The following PCDHGB3 variants were observed in gnomAD, a reference collection of about 807,000 sequenced individuals.
PCDHGB3 encodes protocadherin gamma subfamily B, 3, also known as protocadherin gamma-B3.
In PCDHGB3, 40 loss-of-function variants were observed where a neutral mutation model predicts 59.2. That is an observed-to-expected ratio of 0.68 (90% confidence interval 0.52 to 0.88). The LOEUF (loss-of-function observed/expected upper bound fraction) is 0.88. PCDHGB3 is among the 40% of genes least tolerant of loss of function. PCDHGB3 has a pLI of 0.00. For synonymous variants in PCDHGB3, 581 were observed against 503.6 expected (o/e 1.15, Z -2.06); for missense variants, 1,309 against 1,187.9 (o/e 1.10, Z -1.50).
intron 1 of PCDHGB3, among the ~76,000 whole-genome samples, chr5:141,438,581 TACATAC>T (rs2097977343): frequency 4.0e-5 from 2 of 49,846 alleles, no homozygotes; most frequent in Non-Finnish European, 6.5e-5. Flanking sequence ...TATACATACA[TACATAC>T]ATACATATAT....
chr5:141,475,679 T>A (rs967189869), intron 1 of PCDHGB3, among the ~76,000 whole-genome samples: 2 of 152,236 alleles, frequency 1.3e-5, no homozygotes, highest in African/African-American at 4.8e-5. Flanking sequence ...GAGTCTTGAT[T>A]TGGATTGGAG....
chr5:141,399,131 A>T, intron 1 of PCDHGB3: 1 of 1,613,856 alleles, frequency 6.2e-7, no homozygotes, highest in African/African-American at 1.3e-5. Context: ...AATATTCAAG[A>T]TGAAAATGAC....
intron 1 of PCDHGB3, chr5:141,421,791 TG>T (rs1561796446): frequency 6.2e-7 from 1 of 1,613,792 alleles, no homozygotes; most frequent in Non-Finnish European, 8.5e-7. Flanking sequence ...GCAGAACGGA[TG>T]GGGCCAAGAA....
chr5:141,389,397 A>G (rs1196356712), intron 1 of PCDHGB3: 2 of 1,613,688 alleles, frequency 1.2e-6, no homozygotes, highest in Admixed American at 3.3e-5. Context: ...CTACGTGTCC[A>G]TAAGCGCGGA....
Position 141,372,234 on chromosome 5 carries a change from C to A in PCDHGB3, c.1840C>A (p.Pro614Thr). The stretch of plus-strand genomic sequence containing the variant: ...CTACCACATTGTGCAGGCCAGCGAG[C>A]CCGGGCTGTTCAGCCTGGGCCTGCG... The part of the protein sequence containing the change: ...LSYHIVQASE[P>T]GLFSLGLRTG... Residue 614 changes from proline to threonine, a missense_variant, in exon 1 of 4, where the codon CCC becomes ACC. Coordinates refer to ENST00000576222, the MANE Select transcript of PCDHGB3 (RefSeq NM_018924.5). 1 of 1,613,350 alleles carries A rather than the reference C, an allele frequency of 6.2e-7. No homozygotes were observed.
At chr5:141,497,461 A>G (rs541848982) in intron 2 of PCDHGB3, among the ~76,000 whole-genome samples, 2 of 151,526 alleles carry the variant, frequency 1.3e-5, no homozygotes, top group Admixed American at 1.3e-4. Context: ...GCTCTTGGAG[A>G]TATGGAGGAG....
At chr5:141,449,025 C>G (rs2154562458) in intron 1 of PCDHGB3, among the ~76,000 whole-genome samples, 1 of 152,216 alleles carries the variant, frequency 6.6e-6, no homozygotes, top group East Asian at 1.9e-4. Flanking sequence ...GCTTAGCATT[C>G]CTTTGGATTA....
intron 1 of PCDHGB3, chr5:141,399,203 G>A: frequency 6.2e-7 from 1 of 1,613,940 alleles, no homozygotes. Flanking sequence ...GCGGTGCCTG[G>A]AACACTAATT....
intron 1 of PCDHGB3, chr5:141,376,660 T>C (rs1772971230): frequency 1.1e-6 from 1 of 886,650 alleles, no homozygotes; most frequent in African/African-American, 1.8e-5. Flanking sequence ...GACTCCCTTG[T>C]TCAGGTGAGG....
chr5:141,434,650 C>A (rs931043426), intron 1 of PCDHGB3, among the ~76,000 whole-genome samples: 6 of 152,092 alleles, frequency 3.9e-5, no homozygotes, highest in Non-Finnish European at 5.9e-5. Context: ...TTTAGTTAAT[C>A]TAATATCTAT....
At chr5:141,375,298 G>A in intron 1 of PCDHGB3, 3 of 1,613,794 alleles carry the variant, frequency 1.9e-6, no homozygotes, top group Non-Finnish European at 1.7e-6. Flanking sequence ...ATCGATTAGT[G>A]ACAAATGCAG....
rs764729742 is a variant in PCDHGB3 at position 141,450,826 on chromosome 5, A to ATTT, written c.2416-43979_2416-43978insTTT. On this transcript the variant is annotated intron_variant, in intron 1 of 3. Coordinates refer to ENST00000576222, the MANE Select transcript of PCDHGB3 (RefSeq NM_018924.5). ...TATTTATTTATTTAATATTATTATT[A>ATTT]TTATTTTTTTTTTTTTGAGATGGGG... 5.5e-3 allele frequency among the ~76,000 whole-genome samples: 742 copies of ATTT among 134,318 alleles called. 10 individuals are homozygous for ATTT. The highest frequency in any genetic ancestry group is 0.013 in the Middle Eastern group (3 of 230). 88.1% of individuals were successfully genotyped at this position (134,318 alleles called of 152,430 possible).
At position 141,487,934 on chromosome 5, in the gene PCDHGB3, C is replaced by G; in HGVS notation, c.2416-6873C>G. 4.9e-6 allele frequency: 3 copies of G among 607,674 alleles called. No individual in the cohort carries two copies. Among genetic ancestry groups the G allele is most frequent in the Non-Finnish European group, 5.8e-6 (2 of 347,576 alleles). The allele number at this position is 607,674 out of a possible 1,614,324, so 37.6% of individuals were successfully genotyped here. A position where few individuals can be genotyped will look rare whatever the true frequency, so the allele number is the denominator to read the frequency against. On this transcript the variant is annotated intron_variant, in intron 1 of 3. Transcript: ENST00000576222. The surrounding 1 kb of genome is among the most constrained non-coding windows in gnomAD (Gnocchi z 5.0). ...ACAGGAGGCTACAGTGCACAGGGTA[C>G]AGTGCACCAGGCAGTCACTTGGACA... is the stretch of plus-strand genomic sequence containing the variant.
chr5:141,420,826 C>G (rs1246534925), intron 1 of PCDHGB3, among the ~76,000 whole-genome samples: 1 of 152,216 alleles, frequency 6.6e-6, no homozygotes, highest in Non-Finnish European at 1.5e-5. Flanking sequence ...AATAATTACT[C>G]CTTTCGCAGG....
intron 1 of PCDHGB3, among the ~76,000 whole-genome samples, chr5:141,463,135 C>T (rs1352400365): frequency 6.6e-6 from 1 of 152,246 alleles, no homozygotes; most frequent in Middle Eastern, 3.4e-3. Context: ...GGCAGTTCTT[C>T]GCCCAGCTGC....
chr5:141,474,499 C>T (rs1480109147), intron 1 of PCDHGB3, among the ~76,000 whole-genome samples: 1 of 152,198 alleles, frequency 6.6e-6, no homozygotes, highest in Non-Finnish European at 1.5e-5. Context: ...TCTTCTAATG[C>T]CTATCAGCCC....
chr5:141,496,737 C>T (rs900394639), intron 2 of PCDHGB3, among the ~76,000 whole-genome samples: 9 of 152,168 alleles, frequency 5.9e-5, no homozygotes, highest in African/African-American at 2.2e-4. Context: ...TTCATTCGTT[C>T]ATTTATTCAA....
At chr5:141,456,968 AAAAC>A (rs202005606) in intron 1 of PCDHGB3, among the ~76,000 whole-genome samples, 2,421 of 152,270 alleles carry the variant, frequency 0.016, 37 homozygotes, top group Non-Finnish European at 0.025. Context: ...ATCTCAAAAC[AAAAC>A]AAACAAACAA....
In PCDHGB3 at chr5:141,489,576, C is replaced by T; in HGVS notation, c.2416-5231C>T. 1.9e-6 allele frequency: 3 copies of T among 1,614,054 alleles called. No individual in the cohort carries two copies. Among genetic ancestry groups the T allele is most frequent in the Non-Finnish European group, 2.5e-6 (3 of 1,179,976 alleles). Reference sequence around the variant, plus strand: ...TGCCAGTGCAGGTGGTGACTGAACACCCCCTGGAGCTAATCCGTGTAGAGG... The same window carrying T: ...TGCCAGTGCAGGTGGTGACTGAACATCCCCTGGAGCTAATCCGTGTAGAGG... On this transcript the variant is annotated intron_variant, in intron 1 of 3. Coordinates refer to ENST00000576222, the MANE Select transcript of PCDHGB3 (RefSeq NM_018924.5). This position sits in a 1 kb window ranked among gnomAD's most constrained non-coding sequence, Gnocchi z 4.5.
Sources: gnomAD v4.1 joint callset for allele counts (sites outside exome capture counted in the v4.1 genomes callset) on GRCh38, gnomAD v4.1.1 for gene constraint, Gnocchi (gnomAD v3.1) non-coding constraint, MANE v1.5 for transcripts, NCBI Gene and HGNC (gene_info 2026-07-23, HGNC 2026-07-21) for gene names.